GLIPR2: variants seen among roughly 807,000 people sequenced by gnomAD.
GLIPR2 encodes Golgi-associated plant pathogenesis-related protein 1.
In GLIPR2, 21 loss-of-function variants were observed where a neutral mutation model predicts 20.4. The observed-to-expected ratio is 1.03, with a 90% CI of 0.73 to 1.48. The LOEUF (loss-of-function observed/expected upper bound fraction) is 1.48, where lower values mean the gene tolerates loss of function less well. Among genes scored for constraint, GLIPR2 ranks in the 40% most tolerant of loss-of-function variants. The pLI is 0.00. For missense variants in GLIPR2, 205 were observed against 200.1 expected, an observed-to-expected ratio of 1.02 and a Z score of -0.15; for synonymous variants, 91 against 80.5, an observed-to-expected ratio of 1.13 and a Z score of -0.70.
At chr9:36,144,678 C>G (rs978786014) in intron 1 of GLIPR2, 37 of 152,434 alleles carry the variant, frequency 2.4e-4, no homozygotes, top group African/African-American at 8.7e-4. Flanking sequence ...CCACATTACT[C>G]TGACTGGACC....
At chr9:36,156,495 T>G (rs2132774974) in intron 4 of GLIPR2, among the ~76,000 whole-genome samples, 1 of 152,172 alleles carries the variant, frequency 6.6e-6, no homozygotes, top group South Asian at 2.1e-4. Context: ...TAAACACATT[T>G]ACACTGTTAT....
intron 4 of GLIPR2, among the ~76,000 whole-genome samples, chr9:36,160,749 C>A (rs1199087667): frequency 6.6e-6 from 1 of 152,106 alleles, no homozygotes; most frequent in East Asian, 1.9e-4. Context: ...AGAATGGTCA[C>A]TCTGAATACT....
intron 1 of GLIPR2, among the ~76,000 whole-genome samples, chr9:36,137,104 A>G (rs1261539206): frequency 1.3e-5 from 2 of 152,194 alleles, no homozygotes; most frequent in African/African-American, 2.4e-5. Context: ...GAGTTGGAAA[A>G]GTCACCAAAG....
At chr9:36,142,837 C>T (rs1487795863) in intron 1 of GLIPR2, among the ~76,000 whole-genome samples, 1 of 152,096 alleles carries the variant, frequency 6.6e-6, no homozygotes, top group Non-Finnish European at 1.5e-5. Flanking sequence ...GCCACCTGGG[C>T]TAGGACTGGC....
intron 4 of GLIPR2, among the ~76,000 whole-genome samples, chr9:36,157,556 C>T (rs576446655): frequency 6.6e-6 from 1 of 150,624 alleles, no homozygotes; most frequent in East Asian, 2.0e-4. Flanking sequence ...CACATTGGCC[C>T]GGCTAGTCTC....
intron 4 of GLIPR2, among the ~76,000 whole-genome samples, chr9:36,156,227 A>C (rs1226045112): frequency 6.6e-6 from 1 of 151,786 alleles, no homozygotes; most frequent in Non-Finnish European, 1.5e-5. Context: ...TAAAAAATTA[A>C]AAAATTAAAA....
rs1254677050 is a variant in GLIPR2, at chr9:36,153,088, C to T, written c.304+2139C>T. 4.8e-5 allele frequency among the ~76,000 whole-genome samples: 7 copies of T among 146,070 alleles called. No individual in the cohort carries two copies. In the South Asian group the frequency reaches 1.3e-3, roughly 27 times the overall value. On this transcript the variant is annotated intron_variant, in intron 4 of 4. Transcript: ENST00000377960. ...GGTTGCCGTGAGCGGAGATCGCCCA[C>T]TCCAGCCTGGGCAACAAGGGCGAGA...
chr9:36,149,320 G>T (rs1001201923), intron 3 of GLIPR2, among the ~76,000 whole-genome samples: 10 of 152,206 alleles, frequency 6.6e-5, no homozygotes, highest in Non-Finnish European at 2.9e-5. Flanking sequence ...GTGGGAGAAT[G>T]ACTCACTCCC....
At chr9:36,159,542 A>G (rs558382932) in intron 4 of GLIPR2, among the ~76,000 whole-genome samples, 2 of 152,378 alleles carry the variant, frequency 1.3e-5, no homozygotes, top group East Asian at 3.9e-4. Context: ...ATATGGACAC[A>G]TAGCCTGGTG....
intron 4 of GLIPR2, among the ~76,000 whole-genome samples, chr9:36,151,478 C>A (rs1825583689): frequency 6.6e-6 from 1 of 152,108 alleles, no homozygotes; most frequent in Admixed American, 6.5e-5. Context: ...CCCTGGCTTT[C>A]TCCCTTCCCC....
At chr9:36,148,520 T>C (rs1217041074) in intron 2 of GLIPR2, 27 bp from the exon 3 acceptor site, 3 of 1,569,412 alleles carry the variant, frequency 1.9e-6, no homozygotes, top group Non-Finnish European at 2.6e-6. Context: ...CTGCACCTGC[T>C]CTGAGGAGGC....
At chr9:36,159,698 G>T (rs1215613484) in intron 4 of GLIPR2, among the ~76,000 whole-genome samples, 1 of 152,156 alleles carries the variant, frequency 6.6e-6, no homozygotes, top group African/African-American at 2.4e-5. Flanking sequence ...TGGGCATGGT[G>T]GCTCACACCT....
chr9:36,156,569 C>T (rs1001953546), intron 4 of GLIPR2, among the ~76,000 whole-genome samples: 5 of 152,096 alleles, frequency 3.3e-5, no homozygotes, highest in African/African-American at 1.2e-4. Context: ...ACTCAGTACC[C>T]CTTAGACCAG....
intron 1 of GLIPR2, among the ~76,000 whole-genome samples, chr9:36,143,811 C>A (rs1458772354): frequency 1.3e-5 from 2 of 152,160 alleles, no homozygotes; most frequent in Non-Finnish European, 2.9e-5. Flanking sequence ...TGAGGTAGCT[C>A]CTTTTGGTCG....
chr9:36,137,119 A>C (rs1824857922), intron 1 of GLIPR2, among the ~76,000 whole-genome samples: 1 of 152,192 alleles, frequency 6.6e-6, no homozygotes, highest in Non-Finnish European at 1.5e-5. Flanking sequence ...CCAAAGTGTG[A>C]CAACAGCTCT....
intron 4 of GLIPR2, among the ~76,000 whole-genome samples, chr9:36,160,124 G>A (rs1825993449): frequency 6.6e-6 from 1 of 151,910 alleles, no homozygotes; most frequent in Non-Finnish European, 1.5e-5. Flanking sequence ...GGAAACCGAG[G>A]CAATTCTCCT....
intron 1 of GLIPR2, among the ~76,000 whole-genome samples, chr9:36,139,486 C>T (rs181072755): frequency 6.6e-6 from 1 of 152,292 alleles, no homozygotes; most frequent in Admixed American, 6.5e-5. Context: ...TTCTGGGTGA[C>T]CCCGTGCCCA....
At chr9:36,147,983 C>T in intron 2 of GLIPR2, 89 bp downstream of exon 2, 2 of 765,292 alleles carry the variant, frequency 2.6e-6, no homozygotes, top group Non-Finnish European at 4.8e-6. Flanking sequence ...CACGATGGCT[C>T]ACACCTGTAA....
rs1439441860 is a variant in GLIPR2, at chr9:36,162,519, G to GT, written c.463dup (p.Ter155LeufsTer4). On this transcript the variant is annotated frameshift_variant, in exon 5 of 5. Transcript: ENST00000377960. LOFTEE classifies it high-confidence loss of function. ...AAGAAAACGTCCTGCCGCCGAAGAA[G>GT]TAACTTGTTAAATGTAATGGGAAGG... 3 of 1,614,064 alleles carry GT rather than the reference G, an allele frequency of 1.9e-6. No homozygotes were observed. Among genetic ancestry groups the GT allele is most frequent in the Non-Finnish European group, 2.5e-6 (3 of 1,180,016 alleles).
Sources: gnomAD v4.1 joint callset for allele counts (sites outside exome capture counted in the v4.1 genomes callset) on GRCh38, gnomAD v4.1.1 for gene constraint, MANE v1.5 for transcripts, NCBI Gene and HGNC (gene_info 2026-07-23, HGNC 2026-07-21) for gene names.